ATP2B2: variants seen among roughly 807,000 people sequenced by gnomAD.
ATP2B2 encodes ATPase plasma membrane Ca2+ transporting 2.
A neutral mutation model predicts 120.0 loss-of-function variants in ATP2B2; 15 were observed. That is an observed-to-expected ratio of 0.12 (90% CI 0.08 to 0.19). The LOEUF is 0.19. Ranked by LOEUF, ATP2B2 falls within the 10% of genes least tolerant of loss-of-function variation. The pLI, the probability that ATP2B2 is intolerant of heterozygous loss-of-function variation, is 1.00. For synonymous variants in ATP2B2, 694 were observed against 700.3 expected, an observed-to-expected ratio of 0.99 and a Z score of 0.14; for missense variants, 1,045 against 1,719.8, an observed-to-expected ratio of 0.61 and a Z score of 6.94.
chr3:10,384,294 C>T (rs2061610748), intron 8 of ATP2B2, among the ~76,000 whole-genome samples: 1 of 152,168 alleles, frequency 6.6e-6, no homozygotes, highest in South Asian at 2.1e-4. Flanking sequence ...ACCCACAGCC[C>T]AGTGCCTGGT....
intron 14 of ATP2B2, among the ~76,000 whole-genome samples, chr3:10,355,693 C>T (rs942818808): frequency 6.6e-6 from 1 of 152,172 alleles, no homozygotes; most frequent in Admixed American, 6.5e-5. Context: ...CAGAAAATGC[C>T]AGGAACCCAG....
At chr3:10,413,862 G>A (rs1452514664) in intron 2 of ATP2B2, among the ~76,000 whole-genome samples, 1 of 152,240 alleles carries the variant, frequency 6.6e-6, no homozygotes. Context: ...TCCTGGGAAT[G>A]AGTTTTGACA....
intron 2 of ATP2B2, among the ~76,000 whole-genome samples, chr3:10,605,418 C>T (rs1180065659): frequency 6.6e-6 from 1 of 152,214 alleles, no homozygotes; most frequent in Non-Finnish European, 1.5e-5. Context: ...TGGGCAATAG[C>T]CTCCTTGCCT....
At chr3:10,378,057 T>C (rs897809066) in intron 10 of ATP2B2, among the ~76,000 whole-genome samples, 195 bp downstream of exon 10, 2 of 152,234 alleles carry the variant, frequency 1.3e-5, no homozygotes, top group Non-Finnish European at 2.9e-5. Context: ...CACTCTTCTG[T>C]ATCACTGAGT....
At chr3:10,378,179 C>T (rs1011221312) in intron 10 of ATP2B2, 73 bp downstream of exon 10, 73 of 1,555,272 alleles carry the variant, frequency 4.7e-5, no homozygotes, top group African/African-American at 6.8e-5. Context: ...TAACTGAGGC[C>T]GAGCATGGGG....
intron 1 of ATP2B2, among the ~76,000 whole-genome samples, chr3:10,657,098 T>A (rs1171034337): frequency 6.6e-6 from 1 of 152,184 alleles, no homozygotes; most frequent in Non-Finnish European, 1.5e-5. Context: ...TGAGACATGA[T>A]CATATTTACA....
At chr3:10,707,609 G>A (rs1367417328) in intron 1 of ATP2B2, among the ~76,000 whole-genome samples, 1 of 152,112 alleles carries the variant, frequency 6.6e-6, no homozygotes, top group Non-Finnish European at 1.5e-5. Context: ...CTCCGAGCCC[G>A]GAAAGTTTTC....
intron 1 of ATP2B2, among the ~76,000 whole-genome samples, chr3:10,620,681 C>T (rs530348943): frequency 9.9e-5 from 15 of 152,266 alleles, no homozygotes; most frequent in African/African-American, 3.1e-4. Flanking sequence ...ATCCAGCCAG[C>T]CCAAGGTACC....
At position 10,337,057 on chromosome 3, in the gene ATP2B2, G is replaced by C. The variant is rs557905934; in HGVS notation, c.3420+1119C>G. Among the ~76,000 whole-genome samples, 17 of 152,288 alleles carry C rather than the reference G, an allele frequency of 1.1e-4. No individual in the cohort carries two copies. The East Asian group carries it at 3.1e-3, about 28-fold the overall frequency. Reference sequence around the variant, plus strand: ...GGAGGGTGAGCCCAGGCCCGTGTCAGGCACCTCCGGGTCTGAAACCGGCTT... The same window carrying C: ...GGAGGGTGAGCCCAGGCCCGTGTCACGCACCTCCGGGTCTGAAACCGGCTT... On this transcript the variant is annotated intron_variant, in intron 22 of 22. Coordinates refer to ENST00000360273, the MANE Select transcript of ATP2B2 (RefSeq NM_001001331.4).
chr3:10,606,579 GA>G (rs2069073216), intron 2 of ATP2B2, among the ~76,000 whole-genome samples: 1 of 152,128 alleles, frequency 6.6e-6, no homozygotes, highest in Admixed American at 6.5e-5. Flanking sequence ...GTTAACTCTG[GA>G]AGTCAGTCTG....
In ATP2B2 at chr3:10,379,269, C is replaced by T. The variant is rs890878049; in HGVS notation, c.1016G>A (p.Gly339Asp). Residue 339 changes from glycine to aspartate, a missense_variant, in exon 9 of 23, where the codon GGC becomes GAC. By Grantham distance (94) the Gly-to-Asp change is moderately conservative. This residue lies in a region of ATP2B2 where 145 missense variants were observed against 202.0 expected (regional missense o/e 0.72). Coordinates refer to ENST00000360273, the MANE Select transcript of ATP2B2 (RefSeq NM_001001331.4). ...TTTGCTCTGGCTGGCGTCCACATTG[C>T]CATCCTGCATTTTACCTACACGACA... Reference protein sequence around the residue: ...ASLVNGKMQDGNVDASQSKAK... With the variant: ...ASLVNGKMQDDNVDASQSKAK... The T allele has an allele frequency of 1.2e-6, 2 of 1,614,012 alleles. No individual in the cohort carries two copies. Among genetic ancestry groups the T allele is most frequent in the Admixed American group, 3.3e-5 (2 of 60,006 alleles).
chr3:10,359,641 A>G (rs2060839528), intron 13 of ATP2B2, among the ~76,000 whole-genome samples: 1 of 152,208 alleles, frequency 6.6e-6, no homozygotes, highest in Admixed American at 6.5e-5. Flanking sequence ...GACTCTGGCT[A>G]TAGAAATGTT....
In ATP2B2 at chr3:10,371,835, T is replaced by C; in HGVS notation, c.1633A>G (p.Asn545Asp). ...MELLINAIAI[N>D]SAYTTKILPP... ...AGAATCTTGGTGGTGTAGGCGCTGT[T>C]GATGGCGATGGCATTGATCAGCAGC... Residue 545 changes from asparagine (N) to aspartate (D), a missense_variant, in exon 12 of 23, where the codon AAC becomes GAC. By Grantham distance (23) the Asn-to-Asp change is conservative. Around this residue, in one of 11 missense-constraint regions of ATP2B2, gnomAD observed 343 missense variants for 536.8 expected, o/e 0.64. Coordinates refer to ENST00000360273, the MANE Select transcript of ATP2B2 (RefSeq NM_001001331.4). 1 of 1,614,180 alleles carries C rather than the reference T, an allele frequency of 6.2e-7. No homozygotes were observed. The highest frequency in any genetic ancestry group is 1.1e-5 in the South Asian group (1 of 91,076).
At chr3:10,461,086 A>G (rs1313492034) in intron 1 of ATP2B2, among the ~76,000 whole-genome samples, 2 of 152,240 alleles carry the variant, frequency 1.3e-5, no homozygotes, top group Non-Finnish European at 2.9e-5. Flanking sequence ...ATTGAGAAAG[A>G]GGCATTAAAA....
intron 1 of ATP2B2, among the ~76,000 whole-genome samples, chr3:10,455,038 C>T (rs575070685): frequency 3.2e-4 from 48 of 152,310 alleles, no homozygotes; most frequent in African/African-American, 1.1e-3. Flanking sequence ...CTCTTCTGTA[C>T]CTAGTGCAGT....
intron 1 of ATP2B2, among the ~76,000 whole-genome samples, chr3:10,462,651 TCA>T (rs2064542246): frequency 6.6e-6 from 1 of 152,214 alleles, no homozygotes; most frequent in Admixed American, 6.5e-5. Context: ...ACGCTCAAGC[TCA>T]CACAGCTAAT....
At position 10,686,446 on chromosome 3, in the gene ATP2B2, A is replaced by G. The variant is rs1359359102; in HGVS notation, c.-460+21469T>C. ...GAGGCGGGCGGATTGCAAGGTCAGG[A>G]GATCGAGACCATCCTGGCTAACACG... On this transcript the variant is annotated intron_variant, in intron 1 of 21. Coordinates refer to the ATP2B2 transcript ENST00000646379. Among the ~76,000 whole-genome samples, 7 of 152,106 alleles carry G rather than the reference A, an allele frequency of 4.6e-5. 1 individual carries two copies. The highest frequency in any genetic ancestry group is 1.7e-4 in the African/African-American group (7 of 41,408).
Position 10,326,648 on chromosome 3 carries a change from C to T in ATP2B2, c.*2166G>A. On this transcript the variant is annotated 3_prime_UTR_variant, in exon 23 of 23. Transcript: ENST00000360273. ...CGTTTGTACTGGAATCCAATAAGCA[C>T]ATCTGAGGGCTGGTCACCCCTTTGG... The T allele has an allele frequency of 2.5e-6, 1 of 398,978 alleles. No individual in the cohort carries two copies. Among genetic ancestry groups the T allele is most frequent in the Non-Finnish European group, 4.4e-6 (1 of 226,070 alleles). 24.7% of individuals were successfully genotyped at this position (398,978 alleles called of 1,614,324 possible). A position where few individuals can be genotyped will look rare whatever the true frequency, so the allele number is the denominator to read the frequency against.
At chr3:10,596,986 C>T (rs138010470) in intron 2 of ATP2B2, among the ~76,000 whole-genome samples, 16 of 151,238 alleles carry the variant, frequency 1.1e-4, no homozygotes, top group South Asian at 6.3e-4. Context: ...CACACGCACA[C>T]GCAGGTGCAC....
Sources: allele counts gnomAD v4.1 joint callset (sites outside exome capture counted in the v4.1 genomes callset), GRCh38; gene constraint gnomAD v4.1.1; regional missense constraint gnomAD v4.1.1; transcripts MANE v1.5; gene names NCBI Gene and HGNC (gene_info 2026-07-23, HGNC 2026-07-21).